Variants in TGM2 observed in about 807,000 individuals in gnomAD.
TGM2 encodes transglutaminase 2, also known as protein-glutamine gamma-glutamyltransferase 2.
A neutral mutation model predicts 75.6 loss-of-function variants in TGM2; 53 were observed. That is an observed-to-expected ratio of 0.70 (90% CI 0.56 to 0.88). The LOEUF (loss-of-function observed/expected upper bound fraction) is 0.88, where lower values mean the gene tolerates loss of function less well. Among genes scored for constraint, TGM2 ranks in the 40% least tolerant of loss-of-function variants. The pLI is 0.00. For missense variants in TGM2, 842 were observed against 928.5 expected (o/e 0.91, Z 1.21); for synonymous variants, 374 against 381.1 (o/e 0.98, Z 0.22).
At chr20:38,137,568 C>T (rs2074914783) in intron 10 of TGM2, among the ~76,000 whole-genome samples, 1 of 152,224 alleles carries the variant, frequency 6.6e-6, no homozygotes, top group African/African-American at 2.4e-5. Flanking sequence ...GCTGGATAGG[C>T]GGTGCAGACT....
chr20:38,152,790 G>T (rs1004277079), intron 3 of TGM2, among the ~76,000 whole-genome samples: 1 of 152,184 alleles, frequency 6.6e-6, no homozygotes, highest in Non-Finnish European at 1.5e-5. Flanking sequence ...CACAGTTCCC[G>T]CCCCGGGATG....
chr20:38,131,833 T>C (rs983569940), intron 11 of TGM2, among the ~76,000 whole-genome samples: 4 of 152,164 alleles, frequency 2.6e-5, no homozygotes, highest in African/African-American at 9.7e-5. Context: ...TATCATGTGC[T>C]GAGGATGGCT....
At chr20:38,153,666 G>A (rs1001448521) in intron 3 of TGM2, among the ~76,000 whole-genome samples, 4 of 152,134 alleles carry the variant, frequency 2.6e-5, no homozygotes, top group Non-Finnish European at 5.9e-5. Context: ...TTGTGATAGA[G>A]AGACAGAGAC....
chr20:38,152,320 C>T (rs2075124205), intron 3 of TGM2, among the ~76,000 whole-genome samples: 1 of 152,312 alleles, frequency 6.6e-6, no homozygotes, highest in Middle Eastern at 3.4e-3. Context: ...GCAGCCCTGA[C>T]TTTCATCGTA....
intron 3 of TGM2, among the ~76,000 whole-genome samples, chr20:38,152,191 G>A (rs1420920551): frequency 2.0e-5 from 3 of 152,088 alleles, no homozygotes; most frequent in Non-Finnish European, 4.4e-5. Context: ...GGGCCCCTAA[G>A]AGTTTCTCAG....
intron 1 of TGM2, among the ~76,000 whole-genome samples, chr20:38,163,482 T>TA (rs2075278162): frequency 6.6e-6 from 1 of 152,212 alleles, no homozygotes. Context: ...TCCCATTTTG[T>TA]AGACAAAGAC....
intron 1 of TGM2, among the ~76,000 whole-genome samples, 158 bp from the exon 2 acceptor site, chr20:38,161,757 G>C (rs151065214): frequency 6.6e-6 from 1 of 152,278 alleles, no homozygotes; most frequent in South Asian, 2.1e-4. Flanking sequence ...CTGGTCACAC[G>C]GGGGCTAGGT....
chr20:38,165,671 AACACACACAC>A (rs71833660), upstream of TGM2, among the ~76,000 whole-genome samples: 2 of 143,224 alleles, frequency 1.4e-5, no homozygotes, highest in African/African-American at 2.6e-5. Context: ...CCCCACCCCC[AACACACACAC>A]ACACACACAC....
intron 4 of TGM2, among the ~76,000 whole-genome samples, chr20:38,150,523 T>C (rs539485267): frequency 6.0e-4 from 92 of 152,336 alleles, no homozygotes; most frequent in African/African-American, 2.0e-3. Flanking sequence ...TTTAAGACTC[T>C]CAGTGATCCT....
chr20:38,165,335 G>C, upstream of TGM2: 1 of 1,357,450 alleles, frequency 7.4e-7, no homozygotes, highest in Middle Eastern at 2.2e-4. Flanking sequence ...GGGGCCCCGC[G>C]GGAAGGCGGC....
At chr20:38,161,289 T>C (rs2075248658) in intron 2 of TGM2, 131 bp downstream of exon 2, 3 of 1,252,332 alleles carry the variant, frequency 2.4e-6, no homozygotes, top group African/African-American at 3.0e-5. Context: ...TGATGACAGG[T>C]GGCAATCTCC....
chr20:38,165,153 C>T (rs1457762640), intron 1 of TGM2, 36 bp downstream of exon 1: 12 of 1,613,666 alleles, frequency 7.4e-6, no homozygotes, highest in Non-Finnish European at 9.3e-6. Context: ...TGCCCCGGGG[C>T]CCCTGAGTGG....
intron 7 of TGM2, 109 bp from the exon 8 acceptor site, chr20:38,141,494 C>T: frequency 1.2e-6 from 1 of 837,344 alleles, no homozygotes; most frequent in Non-Finnish European, 2.0e-6. Context: ...TCGCCTCGTC[C>T]CAAACTGAGC....
upstream of TGM2, among the ~76,000 whole-genome samples, chr20:38,165,700 A>ACACACG (rs373296658): frequency 1.1e-4 from 16 of 147,918 alleles, no homozygotes; most frequent in African/African-American, 3.5e-4. Context: ...ACACACACAC[A>ACACACG]CGCACACACT....
chr20:38,162,569 G>C (rs550079131), intron 1 of TGM2, among the ~76,000 whole-genome samples: 15 of 152,306 alleles, frequency 9.8e-5, no homozygotes, highest in African/African-American at 3.6e-4. Flanking sequence ...ACTTAAACCC[G>C]TTGTGATGTA....
intron 3 of TGM2, 41 bp from the exon 4 acceptor site, chr20:38,151,098 G>A: frequency 1.3e-6 from 2 of 1,486,992 alleles, no homozygotes; most frequent in Non-Finnish European, 1.9e-6. Flanking sequence ...TGGGTCTGCG[G>A]AGGCCCAGGG....
Position 38,130,091 on chromosome 20 carries a change from G to A in TGM2, c.*128C>T, listed in dbSNP as rs760962979. 2 of 1,285,298 alleles carry A rather than the reference G, an allele frequency of 1.6e-6. No individual in the cohort carries two copies. Among genetic ancestry groups the A allele is most frequent in the Non-Finnish European group, 2.2e-6 (2 of 927,632 alleles). The allele number at this position is 1,285,298 out of a possible 1,614,324, so 79.6% of individuals were successfully genotyped here. A position where few individuals can be genotyped will look rare whatever the true frequency, so the allele number is the denominator to read the frequency against. On this transcript the variant is annotated 3_prime_UTR_variant, in exon 13 of 13. Transcript: ENST00000361475. ...GGCCAGGGGCACATTCCATTTCCGA[G>A]AGCCCCCATAGGCTGCCCACCCTGC...
chr20:38,140,800 C>T (rs899782436), intron 8 of TGM2, among the ~76,000 whole-genome samples: 32 of 152,130 alleles, frequency 2.1e-4, no homozygotes, highest in African/African-American at 7.5e-4. Flanking sequence ...CTTTGTAACG[C>T]TATGTATTAT....
intron 10 of TGM2, 23 bp from the exon 11 acceptor site, chr20:38,132,523 G>T: frequency 6.2e-7 from 1 of 1,613,880 alleles, no homozygotes; most frequent in Non-Finnish European, 8.5e-7. Context: ...AGAAAGGAGG[G>T]TGCTCATGAT....
Sources: gnomAD v4.1 joint callset for allele counts (sites outside exome capture counted in the v4.1 genomes callset) on GRCh38, gnomAD v4.1.1 for gene constraint, MANE v1.5 for transcripts, NCBI Gene and HGNC (gene_info 2026-07-23, HGNC 2026-07-21) for gene names.